Variants in CHST7 observed in about 807,000 individuals in gnomAD.
CHST7 encodes the protein carbohydrate sulfotransferase 7.
CHST7 carries 5 observed loss-of-function variants against 9.0 expected under a neutral mutation model. The observed-to-expected ratio is 0.56, with a 90% CI of 0.29 to 1.17. The LOEUF (loss-of-function observed/expected upper bound fraction) is 1.17, where lower values mean the gene tolerates loss of function less well. CHST7 is among the 50% of genes most tolerant of loss of function. The pLI, the probability that CHST7 is intolerant of heterozygous loss-of-function variation, is 0.08. For missense variants in CHST7, 377 were observed against 485.1 expected (o/e 0.78, Z 2.09); for synonymous variants, 244 against 237.1 (o/e 1.03, Z -0.27).
Position 46,573,781 on chromosome X carries a change from T to G in CHST7, c.-151T>G. 2.2e-6 allele frequency: 2 copies of G among 919,831 alleles called. No individual in the cohort carries two copies. The highest frequency in any genetic ancestry group is 2.9e-6 in the Non-Finnish European group (2 of 693,159). The allele number at this position is 919,831 out of a possible 1,213,427, so 75.8% of individuals were successfully genotyped here. ...GGCGCCGTCAGTAGCACCACCGCCT[T>G]CCAAGTTTCCCCTTGTGGATGCGCG... is the stretch of plus-strand genomic sequence containing the variant. On this transcript the variant is annotated 5_prime_UTR_variant, in exon 1 of 2. Coordinates refer to ENST00000276055, the MANE Select transcript of CHST7 (RefSeq NM_019886.4).
intron 1 of CHST7, among the ~76,000 whole-genome samples, chrX:46,576,242 G>A (rs1043272022): frequency 9.6e-6 from 1 of 104,399 alleles, no homozygotes; most frequent in African/African-American, 3.5e-5. Flanking sequence ...GGCGTTTGCA[G>A]GATATTTGAC....
intron 1 of CHST7, among the ~76,000 whole-genome samples, chrX:46,583,530 A>G (rs1248776736): frequency 8.9e-6 from 1 of 112,307 alleles, no homozygotes; most frequent in Non-Finnish European, 1.9e-5. Context: ...CCCTGTTCAT[A>G]ATTAAGACCA....
At chrX:46,596,517 C>T (rs977282146) in intron 1 of CHST7, among the ~76,000 whole-genome samples, 2 of 110,835 alleles carry the variant, frequency 1.8e-5, no homozygotes, top group African/African-American at 6.6e-5. Context: ...ATAAGTTCCC[C>T]GATAAAATCA....
intron 1 of CHST7, among the ~76,000 whole-genome samples, chrX:46,585,624 A>G (rs1942545885): frequency 1.8e-5 from 2 of 112,105 alleles, no homozygotes; most frequent in Admixed American, 1.9e-4. Context: ...GGAATTACAG[A>G]GGGCAATTTT....
intron 1 of CHST7, among the ~76,000 whole-genome samples, chrX:46,592,002 A>G (rs1476530890): frequency 1.8e-5 from 2 of 111,831 alleles, no homozygotes; most frequent in Non-Finnish European, 3.8e-5. Flanking sequence ...TTTGCTGAGG[A>G]TGATGGTTTC....
intron 1 of CHST7, among the ~76,000 whole-genome samples, chrX:46,584,358 A>G (rs916267308): frequency 2.7e-5 from 3 of 109,825 alleles, no homozygotes; most frequent in Non-Finnish European, 5.7e-5. Flanking sequence ...ACCAACATGG[A>G]GAAACCCCGC....
chrX:46,574,729 T>C lies in CHST7; in HGVS notation c.798T>C (p.Asp266=), dbSNP rs146831351. Residue 266 remains aspartate, a synonymous_variant, in exon 1 of 2, where the codon GAT becomes GAC. Transcript: ENST00000276055. ...GCGTGCTGGTGCCCCTGTTGCGTGA[T>C]CCAGGCCTCAACCTGAAGGTGGTGC... is the stretch of plus-strand genomic sequence containing the variant. The part of the protein sequence containing the change: ...DLGVLVPLLR[D]PGLNLKVVQL... 3.3e-3 allele frequency: 4,012 copies of C among 1,208,383 alleles called. 41 individuals are homozygous for C. The South Asian group carries it at 0.038, about 11-fold the overall frequency.
At chrX:46,584,535 CAAA>C (rs397777408) in intron 1 of CHST7, among the ~76,000 whole-genome samples, 1 of 52,750 alleles carries the variant, frequency 1.9e-5, no homozygotes. Flanking sequence ...GAAACTGTCT[CAAA>C]AAAAAAAAAA....
intron 1 of CHST7, among the ~76,000 whole-genome samples, chrX:46,588,029 C>CG (rs1942557365): frequency 9.0e-6 from 1 of 111,676 alleles, no homozygotes. Flanking sequence ...GCTGAATACT[C>CG]GGAAATCTCA....
intron 1 of CHST7, among the ~76,000 whole-genome samples, chrX:46,587,059 G>A (rs1283472547): frequency 8.9e-6 from 1 of 111,803 alleles, no homozygotes; most frequent in Non-Finnish European, 1.9e-5. Flanking sequence ...TACTGGTTTG[G>A]TGTGCATCCA....
At chrX:46,578,015 G>A in intron 1 of CHST7, among the ~76,000 whole-genome samples, 1 of 111,097 alleles carries the variant, frequency 9.0e-6, no homozygotes, top group East Asian at 2.8e-4. Flanking sequence ...ATTTGGCAGT[G>A]AGGGAGTCAG....
At chrX:46,579,765 G>A (rs1467765588) in intron 1 of CHST7, among the ~76,000 whole-genome samples, 1 of 111,433 alleles carries the variant, frequency 9.0e-6, no homozygotes. Flanking sequence ...CAGGAAGATC[G>A]CTTGAGGTCA....
chrX:46,597,838 C>A lies in CHST7; in HGVS notation c.*110C>A, dbSNP rs1942603845. ...AGCGCTGTGGGGGCAATCTGTCACA[C>A]TCTCAGAGTCTGGGACTTGACTTGC... On this transcript the variant is annotated 3_prime_UTR_variant, in exon 2 of 2. Coordinates refer to ENST00000276055, the MANE Select transcript of CHST7 (RefSeq NM_019886.4). 8.8e-6 allele frequency: 1 copy of A among 113,153 alleles called. No homozygotes were observed. The highest frequency in any genetic ancestry group is 3.2e-5 in the African/African-American group (1 of 31,129). 9.3% of individuals were successfully genotyped at this position (113,153 alleles called of 1,213,427 possible).
intron 1 of CHST7, among the ~76,000 whole-genome samples, chrX:46,580,034 C>T (rs1942517556): frequency 9.6e-6 from 1 of 104,500 alleles, no homozygotes; most frequent in Non-Finnish European, 1.9e-5. Context: ...CTGTTGCTTA[C>T]ACACAGACTG....
rs140455174 is a variant in CHST7 at position 46,594,055 on chromosome X, G to A, written c.*32-3705G>A. Reference sequence around the variant, plus strand: ...AAATTTACTCATATTTTACCTTTCCGTTGTTCTTTCTTCATTTGTGATATT... The same window carrying A: ...AAATTTACTCATATTTTACCTTTCCATTGTTCTTTCTTCATTTGTGATATT... On this transcript the variant is annotated intron_variant, in intron 1 of 1. Coordinates refer to ENST00000276055, the MANE Select transcript of CHST7 (RefSeq NM_019886.4). 5.0e-3 allele frequency among the ~76,000 whole-genome samples: 558 copies of A among 111,978 alleles called. 5 individuals are homozygous for A. The highest frequency in any genetic ancestry group is 0.019 in the Middle Eastern group (4 of 215).
At position 46,595,571 on chromosome X, in the gene CHST7, A is replaced by G. The variant is rs1232389153; in HGVS notation, c.*32-2189A>G. On this transcript the variant is annotated intron_variant, in intron 1 of 1. Coordinates refer to ENST00000276055, the MANE Select transcript of CHST7 (RefSeq NM_019886.4). Reference sequence around the variant, plus strand: ...CTTTCCTGTCCTTTGGCTAGAGGTAACAGGCTTTTTTCAGGGCTTTTTTGT... The same window carrying G: ...CTTTCCTGTCCTTTGGCTAGAGGTAGCAGGCTTTTTTCAGGGCTTTTTTGT... 2.7e-5 allele frequency among the ~76,000 whole-genome samples: 3 copies of G among 110,666 alleles called. No individual in the cohort carries two copies. The East Asian group carries it at 8.5e-4, about 31-fold the overall frequency.
At position 46,574,835 on chromosome X, in the gene CHST7, C is replaced by A; in HGVS notation, c.904C>A (p.Leu302Met). The part of the protein sequence containing the change: ...QGLLRESIQV[L>M]RTRQRGDRFH... ...ACTGCTGCGCGAGAGCATCCAGGTG[C>A]TGCGCACCCGCCAGAGGGGCGACCG... The change falls in exon 1 of 2, where the codon CTG (leucine) becomes ATG (methionine). Residue 302 changes from leucine to methionine, a missense_variant. By Grantham distance (15) the Leu-to-Met change is conservative (BLOSUM62 2). Coordinates refer to ENST00000276055, the MANE Select transcript of CHST7 (RefSeq NM_019886.4). 3 of 1,186,540 alleles carry A rather than the reference C, an allele frequency of 2.5e-6. No homozygotes were observed. Among genetic ancestry groups the A allele is most frequent in the South Asian group, 3.7e-5 (2 of 54,021 alleles).
chrX:46,581,580 A>C (rs1313394674), intron 1 of CHST7, among the ~76,000 whole-genome samples: 1 of 90,936 alleles, frequency 1.1e-5, no homozygotes, highest in Non-Finnish European at 2.1e-5. Flanking sequence ...TAGAAATAAC[A>C]TAAGCATGTG....
chrX:46,597,312 T>C lies in CHST7; in HGVS notation c.*32-448T>C, dbSNP rs1025411554. Among the ~76,000 whole-genome samples, 3 of 112,339 alleles carry C rather than the reference T, an allele frequency of 2.7e-5. No individual in the cohort carries two copies. In the Admixed American group the frequency reaches 2.8e-4, roughly 11 times the overall value. Reference sequence around the variant, plus strand: ...AAGATAGAAAGCTGGACTCACTGCCTATCTACAGCCTCAGTTTTATAGAAT... The same window carrying C: ...AAGATAGAAAGCTGGACTCACTGCCCATCTACAGCCTCAGTTTTATAGAAT... On this transcript the variant is annotated intron_variant, in intron 1 of 1. Transcript: ENST00000276055.
Sources: allele counts gnomAD v4.1 joint callset (sites outside exome capture counted in the v4.1 genomes callset), GRCh38; gene constraint gnomAD v4.1.1; transcripts MANE v1.5; gene names NCBI Gene and HGNC (gene_info 2026-07-23, HGNC 2026-07-21).